The following PPARG variants were observed in gnomAD, a reference collection of about 807,000 sequenced individuals.
PPARG encodes the protein peroxisome proliferator activated receptor gamma, also known as peroxisome proliferator-activated receptor gamma.
A neutral mutation model predicts 39.2 loss-of-function variants in PPARG; 17 were observed. The ratio of observed to expected loss-of-function variants is 0.43; its 90% CI spans 0.30 to 0.65. The LOEUF (loss-of-function observed/expected upper bound fraction) is 0.65. PPARG is among the 30% of genes least tolerant of loss of function. The pLI, the probability that PPARG is intolerant of heterozygous loss-of-function variation, is 0.13. For missense variants in PPARG, 406 were observed against 585.9 expected (o/e 0.69, Z 3.17); for synonymous variants, 223 against 215.7 (o/e 1.03, Z -0.30).
rs576820750 is a variant in PPARG, at chr3:12,309,091, A to T, written c.-82-3289A>T. On this transcript the variant is annotated intron_variant, in intron 1 of 7. Coordinates refer to ENST00000651735, the MANE Select transcript of PPARG (RefSeq NM_138711.6). ...AAAAATGAAGACCATATGCAAATTT[A>T]TTTTATGGTAGAACCTTTTCTGTTG... Among the ~76,000 whole-genome samples the T allele has an allele frequency of 6.6e-5, 10 of 152,320 alleles. No individual in the cohort carries two copies. In the East Asian group the frequency reaches 1.7e-3, roughly 26 times the overall value.
At chr3:12,419,377 A>T (rs1203020647) in intron 7 of PPARG, among the ~76,000 whole-genome samples, 1 of 152,208 alleles carries the variant, frequency 6.6e-6, no homozygotes, top group Non-Finnish European at 1.5e-5. Context: ...AGATTCCAGT[A>T]TATAAGAGGT....
chr3:12,419,837 T>C (rs906260139), intron 7 of PPARG, among the ~76,000 whole-genome samples: 5 of 152,156 alleles, frequency 3.3e-5, no homozygotes, highest in African/African-American at 1.2e-4. Flanking sequence ...TTTAATTTAT[T>C]TCAAATATTT....
chr3:12,351,729 TAAAA>T, intron 2 of PPARG: 1 of 1,377,136 alleles, frequency 7.3e-7, no homozygotes, highest in African/African-American at 1.4e-5. Flanking sequence ...TATGTAAGGG[TAAAA>T]TTGCTCTTGT....
At chr3:12,427,865 T>C (rs2051507601) in intron 7 of PPARG, among the ~76,000 whole-genome samples, 1 of 152,244 alleles carries the variant, frequency 6.6e-6, no homozygotes, top group South Asian at 2.1e-4. Flanking sequence ...TCTTTCATTG[T>C]CTGTGGATCA....
At chr3:12,382,451 A>C (rs758178284) in intron 4 of PPARG, among the ~76,000 whole-genome samples, 11 of 152,324 alleles carry the variant, frequency 7.2e-5, no homozygotes, top group Non-Finnish European at 1.3e-4. Flanking sequence ...CTGTTCATAA[A>C]TATTCACTTT....
At chr3:12,364,665 C>T (rs758387462) in intron 2 of PPARG, among the ~76,000 whole-genome samples, 12 of 152,168 alleles carry the variant, frequency 7.9e-5, no homozygotes, top group Non-Finnish European at 1.3e-4. Context: ...TCATCAGCAA[C>T]GAATGAGAGT....
At chr3:12,347,815 C>A (rs568600447) in intron 2 of PPARG, among the ~76,000 whole-genome samples, 1 of 152,252 alleles carries the variant, frequency 6.6e-6, no homozygotes, top group African/African-American at 2.4e-5. Context: ...TCATCATCAA[C>A]AAAAACAATA....
chr3:12,357,771 C>T (rs7627605), intron 2 of PPARG, among the ~76,000 whole-genome samples: 24,998 of 152,146 alleles, frequency 0.16, 6,777 homozygotes, highest in African/African-American at 0.56. Context: ...CTAACACTTA[C>T]GGCTTCTATC....
chr3:12,405,946 T>C lies in PPARG; in HGVS notation c.594T>C (p.Asp198=), dbSNP rs2050645731. Residue 198 remains aspartate (D), a synonymous_variant, in exon 6 of 8, where the codon GAT becomes GAC. Coordinates refer to ENST00000651735, the MANE Select transcript of PPARG (RefSeq NM_138711.6). ...KEKLLAEISS[D]IDQLNPESAD... ...AGCTGTTGGCGGAGATCTCCAGTGA[T>C]ATCGACCAGCTGAATCCAGAGTCCG... 1 of 1,614,136 alleles carries C rather than the reference T, an allele frequency of 6.2e-7. No individual in the cohort carries two copies.
chr3:12,287,682 TGCCGCGGGGCAGAGA>T (rs2046533698), upstream of PPARG: 1 of 147,034 alleles, frequency 6.8e-6, no homozygotes, highest in Non-Finnish European at 1.5e-5. Flanking sequence ...CCAGGTAGCC[TGCCGCGGGGCAGAGA>T]GTGGACGCGG....
intron 7 of PPARG, among the ~76,000 whole-genome samples, chr3:12,418,888 T>C (rs1225271437): frequency 6.6e-6 from 1 of 152,198 alleles, no homozygotes; most frequent in Non-Finnish European, 1.5e-5. Context: ...CAAGTCGTGA[T>C]TCACTTTAAA....
Position 12,326,733 on chromosome 3 carries a change from A to C in PPARG, c.-9+14280A>C, listed in dbSNP as rs576655669. 6.6e-5 allele frequency among the ~76,000 whole-genome samples: 4 copies of C among 60,372 alleles called. No homozygotes were observed. In the East Asian group the frequency reaches 1.1e-3, roughly 16 times the overall value. 39.6% of individuals were successfully genotyped at this position (60,372 alleles called of 152,430 possible). A position where few individuals can be genotyped will look rare whatever the true frequency, so the allele number is the denominator to read the frequency against. On this transcript the variant is annotated intron_variant, in intron 2 of 7. Transcript: ENST00000651735. ...GAGTATTTGTTTATGTGAGATATAT[A>C]AAAAAAAAAAGGAGATTTTAACAAA... is the stretch of plus-strand genomic sequence containing the variant.
At chr3:12,306,928 C>G (rs2047082982) in intron 1 of PPARG, among the ~76,000 whole-genome samples, 2 of 152,016 alleles carry the variant, frequency 1.3e-5, no homozygotes, top group South Asian at 4.1e-4. Flanking sequence ...GTAACCCCAT[C>G]TCTACTAAAA....
At position 12,416,772 on chromosome 3, in the gene PPARG, C is replaced by G. The variant is rs1030400023; in HGVS notation, c.798C>G (p.Thr266=). ...ATAAAATCAAGTTCAAACACATCAC[C>G]CCCCTGCAGGAGCAGAGCAAAGAGG... ...GEDKIKFKHI[T]PLQEQSKEVA... is the part of the protein sequence containing the mutation. Residue 266 remains threonine, a synonymous_variant, in exon 7 of 8, where the codon ACC becomes ACG. Coordinates refer to ENST00000651735, the MANE Select transcript of PPARG (RefSeq NM_138711.6). The G allele has an allele frequency of 4.3e-6, 7 of 1,614,070 alleles. No homozygotes were observed. The highest frequency in any genetic ancestry group is 5.1e-6 in the Non-Finnish European group (6 of 1,179,984).
rs1261609723 is a variant in PPARG at position 12,369,268 on chromosome 3, C to T, written c.-8-10436C>T. Among the ~76,000 whole-genome samples, 2 of 152,114 alleles carry T rather than the reference C, an allele frequency of 1.3e-5. 1 individual carries two copies. The highest frequency in any genetic ancestry group is 2.9e-5 in the Non-Finnish European group (2 of 68,030). ...ACACTTTGGTAGGTCAAGATGGGCACATCGCTTGAGCCCAGGAGTTTGAGA... is the reference window on the plus strand; with the variant it reads ...ACACTTTGGTAGGTCAAGATGGGCATATCGCTTGAGCCCAGGAGTTTGAGA... On this transcript the variant is annotated intron_variant, in intron 2 of 7. Transcript: ENST00000651735.
At chr3:12,390,751 C>T (rs752311044) in intron 4 of PPARG, among the ~76,000 whole-genome samples, 3 of 144,436 alleles carry the variant, frequency 2.1e-5, no homozygotes, top group Non-Finnish European at 4.5e-5. Context: ...CTCATGTGAT[C>T]CTTCCATCTC....
chr3:12,323,905 G>A (rs1013785301), intron 2 of PPARG, among the ~76,000 whole-genome samples: 3 of 152,194 alleles, frequency 2.0e-5, no homozygotes, highest in African/African-American at 4.8e-5. Context: ...TTGCTAATTT[G>A]GGCAGCGAGT....
chr3:12,296,254 C>CAAAA (rs545210244), intron 1 of PPARG, among the ~76,000 whole-genome samples: 7,143 of 48,542 alleles, frequency 0.15, 715 homozygotes, highest in African/African-American at 0.21. Context: ...CACTTTGTCT[C>CAAAA]AAAAAAAAAA....
At chr3:12,414,462 G>T (rs574159554) in intron 6 of PPARG, among the ~76,000 whole-genome samples, 25 of 152,028 alleles carry the variant, frequency 1.6e-4, no homozygotes, top group African/African-American at 5.5e-4. Flanking sequence ...CTCAAAAAAT[G>T]AAATAATTTT....
Sources: allele counts gnomAD v4.1 joint callset (sites outside exome capture counted in the v4.1 genomes callset), GRCh38; gene constraint gnomAD v4.1.1; transcripts MANE v1.5; gene names NCBI Gene and HGNC (gene_info 2026-07-23, HGNC 2026-07-21).